TMEM131L: variants seen among roughly 807,000 people sequenced by gnomAD.
TMEM131L encodes transmembrane 131 like, also known as transmembrane protein 131-like.
A neutral mutation model predicts 192.2 loss-of-function variants in TMEM131L; 54 were observed. The ratio of observed to expected loss-of-function variants is 0.28; its 90% CI spans 0.23 to 0.35. The LOEUF (loss-of-function observed/expected upper bound fraction) is 0.35, where lower values mean the gene tolerates loss of function less well. TMEM131L is among the 10% of genes least tolerant of loss of function. The pLI is 1.00. For missense variants in TMEM131L, 1,888 were observed against 1,972.9 expected (o/e 0.96, Z 0.82); for synonymous variants, 701 against 704.9 (o/e 0.99, Z 0.09).
In TMEM131L at chr4:153,545,215, C is replaced by T. The variant is rs1167808906; in HGVS notation, c.240-4858C>T. On this transcript the variant is annotated intron_variant, in intron 3 of 34. Coordinates refer to ENST00000409959, the MANE Select transcript of TMEM131L (RefSeq NM_001131007.2). ...TGAATCCCTGTGTCACATTGGCGTTCACGTCACACTAGGACCTGACCCAGC... is the reference window on the plus strand; with the variant it reads ...TGAATCCCTGTGTCACATTGGCGTTTACGTCACACTAGGACCTGACCCAGC... Among the ~76,000 whole-genome samples, 4 of 152,070 alleles carry T rather than the reference C, an allele frequency of 2.6e-5. No homozygotes were observed. The South Asian group carries it at 8.3e-4, about 32-fold the overall frequency.
rs554563961 is a variant in TMEM131L at position 153,590,204 on chromosome 4, C to T, written c.1671-849C>T. Among the ~76,000 whole-genome samples, 4 of 152,286 alleles carry T rather than the reference C, an allele frequency of 2.6e-5. No individual in the cohort carries two copies. The East Asian group carries it at 7.7e-4, about 29-fold the overall frequency. On this transcript the variant is annotated intron_variant, in intron 16 of 34. Transcript: ENST00000409959. ...TCTTTAGACTAGTGTTCCTACCTTT[C>T]ATCATCTTTCATCATGTTGATACTT...
chr4:153,552,010 A>G (rs2150420606), intron 4 of TMEM131L, among the ~76,000 whole-genome samples: 1 of 152,080 alleles, frequency 6.6e-6, no homozygotes, highest in African/African-American at 2.4e-5. Context: ...GGAGTTCGAG[A>G]CCAGCGTGGC....
In TMEM131L at chr4:153,586,441, C is replaced by T. The variant is rs141927868; in HGVS notation, c.1482+62C>T. The T allele has an allele frequency of 1.0e-5, 13 of 1,261,990 alleles. No individual in the cohort carries two copies. The East Asian group carries it at 3.5e-4, about 34-fold the overall frequency. 78.2% of individuals were successfully genotyped at this position (1,261,990 alleles called of 1,614,324 possible). ...CTTAATTACTGTTGCTTTTTATTAA[C>T]CTTTAGTGCTTGAGTTTTATTAACT... On this transcript the variant is annotated intron_variant, in intron 14 of 34. Transcript: ENST00000409959.
At chr4:153,497,444 A>G (rs1733256660) in intron 3 of TMEM131L, among the ~76,000 whole-genome samples, 1 of 152,072 alleles carries the variant, frequency 6.6e-6, no homozygotes, top group Admixed American at 6.6e-5. Flanking sequence ...CCTCGGTTTT[A>G]AGCACCCTCC....
chr4:153,545,822 G>A (rs1000696980), intron 3 of TMEM131L, among the ~76,000 whole-genome samples: 2 of 152,144 alleles, frequency 1.3e-5, no homozygotes, highest in African/African-American at 2.4e-5. Context: ...AACAGGATCT[G>A]TATCAACAAG....
In TMEM131L at chr4:153,591,765, G is replaced by A. The variant is rs373704746; in HGVS notation, c.1812+571G>A. Among the ~76,000 whole-genome samples the A allele has an allele frequency of 2.7e-4, 41 of 152,180 alleles. 1 individual carries two copies. In the East Asian group the frequency reaches 6.6e-3, roughly 24 times the overall value. The stretch of plus-strand genomic sequence containing the variant: ...ATCAGGTGCTCATAGATTTTCTTAG[G>A]GATGACATCCTTAGGCTGTTTTTTA... On this transcript the variant is annotated intron_variant, in intron 17 of 34. Coordinates refer to ENST00000409959, the MANE Select transcript of TMEM131L (RefSeq NM_001131007.2).
At position 153,593,784 on chromosome 4, in the gene TMEM131L, C is replaced by T; in HGVS notation, c.1923-15C>T. 6.3e-7 allele frequency: 1 copy of T among 1,589,024 alleles called. No individual in the cohort carries two copies. On this transcript the variant is annotated splice_polypyrimidine_tract_variant and intron_variant, in intron 18 of 34. Coordinates refer to ENST00000409959, the MANE Select transcript of TMEM131L (RefSeq NM_001131007.2). ...ATGTGAGTGCTGTTTTAAACATTTG[C>T]TTTTTTCCTTATAGGTTTGGCACTG...
chr4:153,592,065 T>C (rs1336629481), intron 17 of TMEM131L, among the ~76,000 whole-genome samples: 2 of 152,128 alleles, frequency 1.3e-5, no homozygotes, highest in African/African-American at 2.4e-5. Flanking sequence ...CATAGTATAA[T>C]GATCAAAATC....
At chr4:153,548,997 C>T (rs1224123641) in intron 3 of TMEM131L, among the ~76,000 whole-genome samples, 1 of 152,140 alleles carries the variant, frequency 6.6e-6, no homozygotes, top group Non-Finnish European at 1.5e-5. Context: ...AATGGTCTTG[C>T]TCTGTCGCCC....
rs924344040 is a variant in TMEM131L, at chr4:153,623,180, C to T, written c.4045+97C>T. On this transcript the variant is annotated intron_variant, in intron 29 of 34. Transcript: ENST00000409959. ...CAGTCTCGATCTGCCTTCAGGAGTGCAGAGGACAGATGGGACAGTGGCCTT... is the reference window on the plus strand; with the variant it reads ...CAGTCTCGATCTGCCTTCAGGAGTGTAGAGGACAGATGGGACAGTGGCCTT... 14 of 1,150,614 alleles carry T rather than the reference C, an allele frequency of 1.2e-5. No homozygotes were observed. The East Asian group carries it at 3.7e-4, about 30-fold the overall frequency. 71.3% of individuals were successfully genotyped at this position (1,150,614 alleles called of 1,614,324 possible). A position where few individuals can be genotyped will look rare whatever the true frequency, so the allele number is the denominator to read the frequency against.
chr4:153,587,694 T>C (rs1381022495), intron 14 of TMEM131L, 48 bp from the exon 15 acceptor site: 1 of 1,331,744 alleles, frequency 7.5e-7, no homozygotes. Context: ...AGAATTTTTA[T>C]GTTTAGTGCT....
intron 7 of TMEM131L, among the ~76,000 whole-genome samples, chr4:153,560,963 CTG>C (rs975138025): frequency 2.6e-5 from 4 of 152,164 alleles, no homozygotes; most frequent in African/African-American, 9.7e-5. Context: ...AACTGTAAAA[CTG>C]TTTTCTAAAG....
intron 3 of TMEM131L, among the ~76,000 whole-genome samples, chr4:153,521,732 C>G (rs1477197950): frequency 3.3e-5 from 5 of 152,140 alleles, no homozygotes; most frequent in Admixed American, 1.3e-4. Context: ...ACTTCCGTCT[C>G]TGTGGATTTG....
intron 3 of TMEM131L, among the ~76,000 whole-genome samples, chr4:153,548,242 T>A (rs1429838327): frequency 1.3e-5 from 2 of 152,194 alleles, no homozygotes; most frequent in African/African-American, 4.8e-5. Flanking sequence ...TCAAAACAAG[T>A]GAAGAGATTG....
At chr4:153,588,865 A>G (rs1241975273) in intron 15 of TMEM131L, 25 bp from the exon 16 acceptor site, 1 of 1,166,096 alleles carries the variant, frequency 8.6e-7, no homozygotes, top group Non-Finnish European at 1.3e-6. Context: ...GTAAATCTAA[A>G]TATGGAATCT....
intron 3 of TMEM131L, among the ~76,000 whole-genome samples, chr4:153,486,613 G>A (rs1197056645): frequency 2.0e-5 from 3 of 152,172 alleles, no homozygotes; most frequent in Non-Finnish European, 4.4e-5. Flanking sequence ...CTCCCCTCAC[G>A]TTTGCAGGAG....
chr4:153,527,804 A>G (rs1247673735), intron 3 of TMEM131L, among the ~76,000 whole-genome samples: 1 of 152,164 alleles, frequency 6.6e-6, no homozygotes, highest in East Asian at 1.9e-4. Context: ...CTGGAGTGTC[A>G]TCTTGGGCCC....
chr4:153,596,734 A>G (rs1211154429), intron 20 of TMEM131L, among the ~76,000 whole-genome samples: 2 of 152,222 alleles, frequency 1.3e-5, no homozygotes, highest in Non-Finnish European at 2.9e-5. Flanking sequence ...ACTGCTGTAG[A>G]TATTTTCAGT....
intron 3 of TMEM131L, among the ~76,000 whole-genome samples, chr4:153,476,651 C>T (rs186714865): frequency 9.2e-5 from 14 of 151,994 alleles, no homozygotes; most frequent in South Asian, 4.2e-4. Context: ...GAGCTGAGAT[C>T]GCACCACTGC....
Sources: allele counts gnomAD v4.1 joint callset (sites outside exome capture counted in the v4.1 genomes callset), GRCh38; gene constraint gnomAD v4.1.1; transcripts MANE v1.5; gene names NCBI Gene and HGNC (gene_info 2026-07-23, HGNC 2026-07-21).